Variants in MEIS2 observed in about 807,000 individuals in gnomAD.
MEIS2 encodes the protein homeobox protein Meis2.
In MEIS2, 9 loss-of-function variants were observed where a neutral mutation model predicts 58.6. The ratio of observed to expected loss-of-function variants is 0.15; its 90% confidence interval spans 0.09 to 0.27. The LOEUF is 0.27. Ranked by LOEUF, MEIS2 falls within the 10% of genes least tolerant of loss-of-function variation. The probability of loss-of-function intolerance (pLI) is 1.00; values close to 1 mark genes in which losing one functional copy is unlikely to be tolerated. For synonymous variants in MEIS2, 221 were observed against 228.4 expected (o/e 0.97, Z 0.29); for missense variants, 427 against 635.0 (o/e 0.67, Z 3.52).
At chr15:37,046,810 C>T (rs1037421327) in intron 7 of MEIS2, among the ~76,000 whole-genome samples, 1 of 147,828 alleles carries the variant, frequency 6.8e-6, no homozygotes, top group Non-Finnish European at 1.5e-5. Flanking sequence ...CTATTCTTCA[C>T]TAAATGTGGT....
At chr15:36,923,660 C>T (rs2057615399) in intron 9 of MEIS2, among the ~76,000 whole-genome samples, 1 of 152,186 alleles carries the variant, frequency 6.6e-6, no homozygotes, top group African/African-American at 2.4e-5. Flanking sequence ...ATGCGCTCTG[C>T]AGAGAAAGAG....
chr15:37,045,462 G>C (rs1238889328), intron 7 of MEIS2, among the ~76,000 whole-genome samples: 1 of 150,894 alleles, frequency 6.6e-6, no homozygotes, highest in African/African-American at 2.4e-5. Context: ...ACCTGCATCA[G>C]GATTTCAAAT....
intron 7 of MEIS2, among the ~76,000 whole-genome samples, chr15:37,057,848 T>C (rs1240568954): frequency 6.6e-6 from 1 of 152,118 alleles, no homozygotes; most frequent in Non-Finnish European, 1.5e-5. Context: ...GCTTGTATCC[T>C]GTGCTGGTCA....
At chr15:37,043,650 A>G (rs890929202) in intron 7 of MEIS2, among the ~76,000 whole-genome samples, 2 of 149,396 alleles carry the variant, frequency 1.3e-5, no homozygotes, top group African/African-American at 4.9e-5. Context: ...TTCAGTAACC[A>G]GTTCTCTATC....
intron 9 of MEIS2, among the ~76,000 whole-genome samples, chr15:36,914,247 C>T (rs12441710): frequency 0.053 from 8,106 of 152,184 alleles, 488 homozygotes; most frequent in African/African-American, 0.14. Context: ...CCAAGGAGAA[C>T]ACAGATGATA....
rs1199713294 is a variant in MEIS2, at chr15:36,890,549, T to C, written c.*1624A>G. ...AATTTCAAACTCCATAGAAGTTGTT[T>C]ACTTATCTATGAACACCCATATGTA... On this transcript the variant is annotated 3_prime_UTR_variant, in exon 12 of 12. Coordinates refer to ENST00000561208, the MANE Select transcript of MEIS2 (RefSeq NM_170675.5). 1.3e-5 allele frequency: 2 copies of C among 152,188 alleles called. No homozygotes were observed. Among genetic ancestry groups the C allele is most frequent in the African/African-American group, 4.8e-5 (2 of 41,440 alleles). 9.4% of individuals were successfully genotyped at this position (152,188 alleles called of 1,614,324 possible). A position where few individuals can be genotyped will look rare whatever the true frequency, so the allele number is the denominator to read the frequency against.
rs1301285955 is a variant in MEIS2, at chr15:36,891,413, T to C, written c.*760A>G. On this transcript the variant is annotated 3_prime_UTR_variant, in exon 12 of 12. Transcript: ENST00000561208. ...GGTTCAATGACCATTAATAACTTTT[T>C]TTTGTGTTGAGGAAAGCTGCCCAAC... 6.6e-6 allele frequency: 1 copy of C among 152,568 alleles called. No homozygotes were observed. Among genetic ancestry groups the C allele is most frequent in the African/African-American group, 2.4e-5 (1 of 41,446 alleles). The allele number at this position is 152,568 out of a possible 1,614,324, so 9.5% of individuals were successfully genotyped here.
At chr15:36,959,998 C>T in intron 8 of MEIS2, among the ~76,000 whole-genome samples, 1 of 151,972 alleles carries the variant, frequency 6.6e-6, no homozygotes, top group Admixed American at 6.5e-5. Flanking sequence ...TCCATTACAA[C>T]ATTTCTTTAG....
chr15:37,046,839 AT>A (rs1567223610), intron 7 of MEIS2, among the ~76,000 whole-genome samples: 71 of 952 alleles, frequency 0.075, no homozygotes, highest in Middle Eastern at 0.5. Flanking sequence ...TTTAAAAAAT[AT>A]ATATATATAT....
intron 9 of MEIS2, among the ~76,000 whole-genome samples, chr15:36,921,307 G>C (rs2057497020): frequency 6.6e-6 from 1 of 152,154 alleles, no homozygotes; most frequent in Admixed American, 6.5e-5. Flanking sequence ...AAAAGAAAAT[G>C]CGAAATGATC....
At chr15:36,900,549 C>G (rs1400907046) in intron 9 of MEIS2, among the ~76,000 whole-genome samples, 1 of 152,096 alleles carries the variant, frequency 6.6e-6, no homozygotes, top group Admixed American at 6.5e-5. Flanking sequence ...GAAATAAATT[C>G]AATGATGTTC....
intron 9 of MEIS2, among the ~76,000 whole-genome samples, chr15:36,925,707 C>A (rs2057719902): frequency 6.6e-6 from 1 of 152,172 alleles, no homozygotes. Context: ...AGCTCATAAA[C>A]ACAAGCTCTG....
chr15:36,927,256 T>TG (rs1220049601), intron 9 of MEIS2, among the ~76,000 whole-genome samples: 5 of 151,692 alleles, frequency 3.3e-5, no homozygotes, highest in East Asian at 1.9e-4. Flanking sequence ...TGAGTGATGA[T>TG]GGGGGGGTCT....
intron 9 of MEIS2, among the ~76,000 whole-genome samples, chr15:36,924,116 T>C (rs2057640533): frequency 6.6e-6 from 1 of 152,240 alleles, no homozygotes; most frequent in African/African-American, 2.4e-5. Flanking sequence ...TTATGTGTAC[T>C]GTATTTGCTA....
intron 9 of MEIS2, chr15:36,897,779 C>T (rs2056257996): frequency 6.6e-6 from 1 of 152,194 alleles, no homozygotes; most frequent in African/African-American, 2.4e-5. Flanking sequence ...TTGATAACAT[C>T]TGTCAATATT....
intron 9 of MEIS2, among the ~76,000 whole-genome samples, chr15:36,906,594 G>A (rs576470739): frequency 7.6e-6 from 1 of 132,202 alleles, no homozygotes; most frequent in South Asian, 2.6e-4. Context: ...TTTTTCAAAT[G>A]TTACCTTTGG....
intron 9 of MEIS2, among the ~76,000 whole-genome samples, chr15:36,906,533 G>A (rs1336950483): frequency 1.3e-5 from 2 of 151,640 alleles, no homozygotes; most frequent in African/African-American, 4.8e-5. Context: ...GATGAAAATT[G>A]GAAATAGATG....
In MEIS2 at chr15:36,942,785, G is replaced by T. The variant is rs140792011; in HGVS notation, c.977+7539C>A. Among the ~76,000 whole-genome samples the T allele has an allele frequency of 5.3e-3, 809 of 152,040 alleles. 4 individuals carry two copies. The highest frequency in any genetic ancestry group is 0.016 in the African/African-American group (682 of 41,472). On this transcript the variant is annotated intron_variant, in intron 9 of 11. Coordinates refer to ENST00000561208, the MANE Select transcript of MEIS2 (RefSeq NM_170675.5). ...TGAGAAAAAAAAATTACTGGTAAAG[G>T]CACCACCATAGTAAAAAGGACTGAA...
chr15:37,071,760 G>A (rs1019661210), intron 7 of MEIS2, among the ~76,000 whole-genome samples: 4 of 151,936 alleles, frequency 2.6e-5, no homozygotes, highest in Admixed American at 6.6e-5. Flanking sequence ...ATAAAGGCAC[G>A]TAGGCCAACA....
Sources: allele counts gnomAD v4.1 joint callset (sites outside exome capture counted in the v4.1 genomes callset), GRCh38; gene constraint gnomAD v4.1.1; transcripts MANE v1.5; gene names NCBI Gene and HGNC (gene_info 2026-07-23, HGNC 2026-07-21).